RPS6KL1: variants seen among roughly 807,000 people sequenced by gnomAD.
The protein encoded by RPS6KL1 is ribosomal protein S6 kinase like 1.
RPS6KL1 carries 41 observed loss-of-function variants against 57.0 expected under a neutral mutation model. The observed-to-expected ratio is 0.72, with a 90% CI of 0.56 to 0.93. The LOEUF (loss-of-function observed/expected upper bound fraction) is 0.93, where lower values mean the gene tolerates loss of function less well. Ranked by LOEUF, RPS6KL1 falls within the 40% of genes least tolerant of loss-of-function variation. The pLI is 0.00. For synonymous variants in RPS6KL1, 287 were observed against 309.7 expected (o/e 0.93, Z 0.77); for missense variants, 697 against 727.7 (o/e 0.96, Z 0.49).
In RPS6KL1 at chr14:74,907,017, C is replaced by A. The variant is rs1243463430; in HGVS notation, c.1647G>T (p.Gly549=). ...TTCCGTCACCCGCTCTGCCCTCTTA[C>A]CCCACCAGCTTGCTCCATTGGATGG... is the stretch of plus-strand genomic sequence containing the variant. ...FSTIQWSKLV[G] is the part of the protein sequence containing the mutation. Residue 549 remains glycine, a synonymous_variant, in exon 12 of 12, where the codon GGG becomes GGT. Coordinates refer to ENST00000557413, the MANE Select transcript of RPS6KL1 (RefSeq NM_031464.5). 1.9e-6 allele frequency: 3 copies of A among 1,608,134 alleles called. No individual in the cohort carries two copies. Among genetic ancestry groups the A allele is most frequent in the Non-Finnish European group, 2.5e-6 (3 of 1,176,540 alleles).
chr14:74,916,531 T>C (rs896849297), intron 5 of RPS6KL1, among the ~76,000 whole-genome samples: 4 of 151,926 alleles, frequency 2.6e-5, no homozygotes, highest in Non-Finnish European at 5.9e-5. Context: ...CTACAAAAAA[T>C]AGAAGACAAT....
chr14:74,911,253 A>G lies in RPS6KL1; in HGVS notation c.659T>C (p.Val220Ala). 1 of 1,611,982 alleles carries G rather than the reference A, an allele frequency of 6.2e-7. No homozygotes were observed. Residue 220 changes from valine (V) to alanine (A), a missense_variant, in exon 7 of 12, where the codon GTG becomes GCG. Coordinates refer to ENST00000557413, the MANE Select transcript of RPS6KL1 (RefSeq NM_031464.5). ...GGGGCCCCAGGCCTGCTCACCTTGC[A>G]CATGCTCCAGGTGCAGGAAGATGGA... ...EDSIFLHLEH[V>A]QGGTLWSHLL...
At chr14:74,909,214 G>C (rs1305508338) in intron 8 of RPS6KL1, 24 bp from the exon 9 acceptor site, 5 of 1,608,212 alleles carry the variant, frequency 3.1e-6, no homozygotes, top group Non-Finnish European at 4.3e-6. Context: ...GAGGAAAAAG[G>C]AGGGGACAGA....
chr14:74,921,723 C>T, intron 2 of RPS6KL1, 162 bp from the exon 3 acceptor site: 2 of 1,427,760 alleles, frequency 1.4e-6, no homozygotes, highest in Non-Finnish European at 1.8e-6. Flanking sequence ...CCAGGTCCTT[C>T]CTAAGTGGTG....
In RPS6KL1 at chr14:74,915,433, A is replaced by T. The variant is rs368564202; in HGVS notation, c.483+3080T>A. Among the ~76,000 whole-genome samples the T allele has an allele frequency of 4.6e-5, 7 of 152,314 alleles. No homozygotes were observed. In the South Asian group the frequency reaches 1.4e-3, roughly 32 times the overall value. Reference sequence around the variant, plus strand: ...AAGAGCAATTGTTTTAAATAAAGAGACCCACTGAATTCTTGGGACAGAGGG... The same window carrying T: ...AAGAGCAATTGTTTTAAATAAAGAGTCCCACTGAATTCTTGGGACAGAGGG... On this transcript the variant is annotated intron_variant, in intron 5 of 11. Coordinates refer to ENST00000557413, the MANE Select transcript of RPS6KL1 (RefSeq NM_031464.5).
chr14:74,909,277 T>A (rs1885475669), intron 8 of RPS6KL1, 87 bp from the exon 9 acceptor site: 1 of 1,330,938 alleles, frequency 7.5e-7, no homozygotes, highest in African/African-American at 1.4e-5. Context: ...CCAACAGTCA[T>A]GCGGTAGGAG....
At chr14:74,923,042 G>T (rs979864280) in intron 1 of RPS6KL1, 138 bp downstream of exon 1, 3 of 152,336 alleles carry the variant, frequency 2.0e-5, no homozygotes, top group African/African-American at 7.2e-5. Flanking sequence ...CAGAGCCGCC[G>T]GCCCCGCCTG....
chr14:74,915,284 A>C (rs1566827095), intron 5 of RPS6KL1, among the ~76,000 whole-genome samples: 1 of 152,164 alleles, frequency 6.6e-6, no homozygotes. Context: ...TCGTTCCCCC[A>C]TGGTGACTGT....
At position 74,909,691 on chromosome 14, in the gene RPS6KL1, G is replaced by T; in HGVS notation, c.1122C>A (p.Gly374=). Residue 374 remains glycine (G), a synonymous_variant, in exon 8 of 12, where the codon GGC becomes GGA. Coordinates refer to ENST00000557413, the MANE Select transcript of RPS6KL1 (RefSeq NM_031464.5). ...TCCAGGTGGCCCTGCCACAGCCCCG[G>T]CCGGCCCCATCTGCTGACAGGCAGC... The part of the protein sequence containing the change: ...DQSCLSADGA[G]RGCGRATWSV... 6.2e-7 allele frequency: 1 copy of T among 1,609,238 alleles called. No homozygotes were observed.
rs775649015 is a variant in RPS6KL1 at position 74,909,521 on chromosome 14, G to A, written c.1270+22C>T. 4.8e-5 allele frequency: 75 copies of A among 1,566,472 alleles called. 1 individual carries two copies. The East Asian group carries it at 1.7e-3, about 35-fold the overall frequency. ...TGGACGCTTTGGGGGCCACCCCACTGAGGGGTGAGGAGGGCACCTACCTGC... is the reference window on the plus strand; with the variant it reads ...TGGACGCTTTGGGGGCCACCCCACTAAGGGGTGAGGAGGGCACCTACCTGC... On this transcript the variant is annotated intron_variant, in intron 8 of 11. Transcript: ENST00000557413.
At chr14:74,920,637 GCACCTAC>G (rs758072050) in intron 3 of RPS6KL1, among the ~76,000 whole-genome samples, 1 of 152,224 alleles carries the variant, frequency 6.6e-6, no homozygotes, top group Non-Finnish European at 1.5e-5. Context: ...GCTGGATAAC[GCACCTAC>G]CATTCTCCAG....
chr14:74,910,870 C>CT (rs5809683), intron 7 of RPS6KL1: 21,050 of 155,800 alleles, frequency 0.14, 2,004 homozygotes, highest in African/African-American at 0.21. Context: ...CAGGGCTCAG[C>CT]TTTTTTTTTT....
intron 5 of RPS6KL1, among the ~76,000 whole-genome samples, chr14:74,916,592 G>A (rs1472368192): frequency 2.0e-5 from 3 of 152,048 alleles, no homozygotes; most frequent in African/African-American, 7.2e-5. Context: ...GAGGTGCGAG[G>A]ATTGCTTGAG....
At chr14:74,921,809 G>A (rs1336597245) in intron 2 of RPS6KL1, 169 bp downstream of exon 2, 7 of 1,098,008 alleles carry the variant, frequency 6.4e-6, no homozygotes, top group East Asian at 7.3e-5. Flanking sequence ...TCAGAGTCTC[G>A]CTATGTCACC....
In RPS6KL1 at chr14:74,908,902, G is replaced by A; in HGVS notation, c.1391C>T (p.Ala464Val). 6.2e-7 allele frequency: 1 copy of A among 1,613,926 alleles called. No individual in the cohort carries two copies. Among genetic ancestry groups the A allele is most frequent in the Non-Finnish European group, 8.5e-7 (1 of 1,179,906 alleles). The change falls in exon 10 of 12, where the codon GCC becomes GTC. Residue 464 changes from alanine to valine, a missense_variant. Physicochemically the swap from Ala to Val is moderately conservative, Grantham distance 64 (BLOSUM62 0). Transcript: ENST00000557413. ...AGACCCAAAGCTCCACCAGTCACAGGCTTCCGTCAGCTCGGAAATCCCACC... is the reference window on the plus strand; with the variant it reads ...AGACCCAAAGCTCCACCAGTCACAGACTTCCGTCAGCTCGGAAATCCCACC... Reference protein sequence around the residue: ...EVGGISELTEACDWWSFGSLL... With the variant: ...EVGGISELTEVCDWWSFGSLL...
At chr14:74,907,965 A>G (rs1885203469) in intron 10 of RPS6KL1, among the ~76,000 whole-genome samples, 1 of 152,104 alleles carries the variant, frequency 6.6e-6, no homozygotes, top group Admixed American at 6.5e-5. Context: ...ACCTCTCCAC[A>G]CCCCAGAAAG....
rs138773357 is a variant in RPS6KL1, at chr14:74,919,912, C to T, written c.323G>A (p.Arg108Gln). ...AVKLKITKYL[R>Q]RAEEIFNCHL... ...GCAGTTGAAGATCTCCTCTGCCCGCCGCAGGTATTTGGTAATTTTCAGCTT... is the reference window on the plus strand; with the variant it reads ...GCAGTTGAAGATCTCCTCTGCCCGCTGCAGGTATTTGGTAATTTTCAGCTT... The change falls in exon 4 of 12, where the codon CGG (arginine) becomes CAG (glutamine). Residue 108 changes from arginine (R) to glutamine (Q), a missense_variant. Transcript: ENST00000557413. 2.0e-5 allele frequency: 33 copies of T among 1,613,988 alleles called. No individual in the cohort carries two copies. Among genetic ancestry groups the T allele is most frequent in the African/African-American group, 4.0e-5 (3 of 74,894 alleles).
At chr14:74,908,321 G>A (rs10151868) in intron 10 of RPS6KL1, among the ~76,000 whole-genome samples, 13,666 of 152,202 alleles carry the variant, frequency 0.09, 829 homozygotes, top group African/African-American at 0.17. Flanking sequence ...GCCATCAACT[G>A]TTCCCAAGAG....
intron 5 of RPS6KL1, among the ~76,000 whole-genome samples, chr14:74,914,456 C>T (rs923143102): frequency 6.6e-6 from 1 of 152,250 alleles, no homozygotes; most frequent in African/African-American, 2.4e-5. Flanking sequence ...TTGATCCATA[C>T]ACTGAAAGAT....
Sources: allele counts gnomAD v4.1 joint callset (sites outside exome capture counted in the v4.1 genomes callset), GRCh38; gene constraint gnomAD v4.1.1; transcripts MANE v1.5; gene names NCBI Gene and HGNC (gene_info 2026-07-23, HGNC 2026-07-21).